The following OSBPL10 variants were observed in gnomAD, a reference collection of about 807,000 sequenced individuals.
OSBPL10 encodes the protein oxysterol-binding protein-related protein 10.
OSBPL10 carries 49 observed loss-of-function variants against 81.7 expected under a neutral mutation model. The observed-to-expected ratio is 0.60, with a 90% CI of 0.48 to 0.76. The LOEUF (loss-of-function observed/expected upper bound fraction) is 0.76. OSBPL10 is among the 30% of genes least tolerant of loss of function. OSBPL10 has a pLI of 0.00. For synonymous variants in OSBPL10, 419 were observed against 383.6 expected, an observed-to-expected ratio of 1.09 and a Z score of -1.08; for missense variants, 923 against 987.8, an observed-to-expected ratio of 0.93 and a Z score of 0.88.
At chr3:31,781,956 C>A (rs1698707496) in intron 4 of OSBPL10, among the ~76,000 whole-genome samples, 1 of 151,952 alleles carries the variant, frequency 6.6e-6, no homozygotes, top group Non-Finnish European at 1.5e-5. Flanking sequence ...GAAAAAAATC[C>A]TAAAATTCAT....
chr3:31,975,968 A>C (rs1415627704), intron 1 of OSBPL10, among the ~76,000 whole-genome samples: 5 of 152,232 alleles, frequency 3.3e-5, no homozygotes, highest in Non-Finnish European at 1.5e-5. Context: ...CATGTCAGAT[A>C]ATAGCAAGGT....
chr3:31,965,914 A>G (rs1292178059), intron 1 of OSBPL10, among the ~76,000 whole-genome samples: 1 of 117,408 alleles, frequency 8.5e-6, no homozygotes, highest in Non-Finnish European at 1.6e-5. Context: ...TATAAAATAG[A>G]TAATATATAA....
At chr3:31,810,228 T>C (rs145220888) in intron 4 of OSBPL10, among the ~76,000 whole-genome samples, 1,609 of 152,282 alleles carry the variant, frequency 0.011, 15 homozygotes, top group Admixed American at 0.021. Flanking sequence ...AGTAAAGCCA[T>C]AATGATTGAA....
chr3:31,736,168 G>C (rs1697167586), intron 5 of OSBPL10, among the ~76,000 whole-genome samples: 2 of 152,164 alleles, frequency 1.3e-5, no homozygotes, highest in African/African-American at 4.8e-5. Flanking sequence ...CTCCAGTTTT[G>C]CAAGATGGAA....
intron 8 of OSBPL10, among the ~76,000 whole-genome samples, chr3:31,674,320 GA>G (rs2125522531): frequency 6.6e-6 from 1 of 152,222 alleles, no homozygotes; most frequent in South Asian, 2.1e-4. Context: ...TTGGGAGGTG[GA>G]AGTGGGAGGA....
intron 4 of OSBPL10, among the ~76,000 whole-genome samples, chr3:31,791,849 C>CAA (rs10536591): frequency 4.0e-4 from 50 of 124,582 alleles, no homozygotes; most frequent in Non-Finnish European, 7.7e-4. Context: ...TTACAAAGAG[C>CAA]AAAAAAAAAA....
chr3:32,005,827 C>T (rs532533740), intron 2 of OSBPL10, among the ~76,000 whole-genome samples: 1 of 152,214 alleles, frequency 6.6e-6, no homozygotes, highest in Non-Finnish European at 1.5e-5. Flanking sequence ...ACCTCGTGAT[C>T]CGCCCACCTC....
At chr3:32,024,486 A>AT (rs34141476) in intron 2 of OSBPL10, among the ~76,000 whole-genome samples, 88,311 of 111,842 alleles carry the variant, frequency 0.79, 36,903 homozygotes, top group South Asian at 0.9. Context: ...TGTGAATGGA[A>AT]TTTTTTTTTT....
At chr3:31,950,768 C>T (rs1697844993) in intron 1 of OSBPL10, among the ~76,000 whole-genome samples, 1 of 152,100 alleles carries the variant, frequency 6.6e-6, no homozygotes, top group African/African-American at 2.4e-5. Flanking sequence ...GTTAGTTTAC[C>T]AGTTAGCTCT....
chr3:31,909,055 C>T (rs1381021771), intron 1 of OSBPL10, among the ~76,000 whole-genome samples: 2 of 152,156 alleles, frequency 1.3e-5, no homozygotes, highest in Non-Finnish European at 2.9e-5. Flanking sequence ...AGCTAGCATT[C>T]GTCAGAATTC....
intron 1 of OSBPL10, among the ~76,000 whole-genome samples, chr3:31,920,098 G>A (rs1035289315): frequency 6.6e-6 from 1 of 152,196 alleles, no homozygotes; most frequent in African/African-American, 2.4e-5. Context: ...GCAGAAGATG[G>A]AAAAGGTAAA....
At chr3:31,787,950 A>T (rs1698900429) in intron 4 of OSBPL10, among the ~76,000 whole-genome samples, 1 of 152,248 alleles carries the variant, frequency 6.6e-6, no homozygotes, top group African/African-American at 2.4e-5. Context: ...CACAAACAGA[A>T]TATAAATGGA....
At chr3:31,808,845 C>T (rs1217761412) in intron 4 of OSBPL10, among the ~76,000 whole-genome samples, 1 of 152,244 alleles carries the variant, frequency 6.6e-6, no homozygotes, top group Non-Finnish European at 1.5e-5. Flanking sequence ...GTCTCTGTTT[C>T]ATTTCCCACT....
At chr3:31,735,169 TC>T (rs1226576717) in intron 5 of OSBPL10, among the ~76,000 whole-genome samples, 3 of 152,164 alleles carry the variant, frequency 2.0e-5, no homozygotes, top group Admixed American at 2.0e-4. Flanking sequence ...ACACGGTGGC[TC>T]CCACCTGTAA....
intron 1 of OSBPL10, among the ~76,000 whole-genome samples, chr3:31,931,366 T>C (rs573407976): frequency 9.1e-4 from 138 of 152,310 alleles, no homozygotes; most frequent in African/African-American, 3.2e-3. Flanking sequence ...CTATTTCCTT[T>C]CCAATTCTGT....
chr3:32,020,669 CT>C (rs890135319), intron 2 of OSBPL10, among the ~76,000 whole-genome samples: 1 of 151,210 alleles, frequency 6.6e-6, no homozygotes, highest in Non-Finnish European at 1.5e-5. Flanking sequence ...TTCATTCAAG[CT>C]TTTATAATAG....
chr3:31,924,952 CAG>C (rs1697028111), intron 1 of OSBPL10, among the ~76,000 whole-genome samples: 1 of 152,280 alleles, frequency 6.6e-6, no homozygotes, highest in Admixed American at 6.5e-5. Context: ...ATTTCAGTAA[CAG>C]AGCAAAATCT....
chr3:31,730,382 G>C (rs770162992), intron 6 of OSBPL10, among the ~76,000 whole-genome samples: 1 of 151,494 alleles, frequency 6.6e-6, no homozygotes, highest in Non-Finnish European at 1.5e-5. Context: ...AAAGTCAAGA[G>C]AGCTTGGTCC....
chr3:31,688,617 T>C (rs1700859965), intron 7 of OSBPL10, among the ~76,000 whole-genome samples: 1 of 152,178 alleles, frequency 6.6e-6, no homozygotes, highest in Admixed American at 6.5e-5. Context: ...CTTTGTTTCC[T>C]TTGACATGTT....
Sources: gnomAD v4.1 joint callset for allele counts (sites outside exome capture counted in the v4.1 genomes callset) on GRCh38, gnomAD v4.1.1 for gene constraint, MANE v1.5 for transcripts, NCBI Gene and HGNC (gene_info 2026-07-23, HGNC 2026-07-21) for gene names.